The following CNTN4 variants were observed in gnomAD, a reference collection of about 807,000 sequenced individuals.
CNTN4 encodes the protein contactin 4, also known as contactin-4.
CNTN4 carries 77 observed loss-of-function variants against 122.5 expected under a neutral mutation model. The ratio of observed to expected loss-of-function variants is 0.63; its 90% CI spans 0.52 to 0.76. The LOEUF is 0.76. CNTN4 is among the 30% of genes least tolerant of loss of function. The pLI is 0.00. For missense variants in CNTN4, 1,256 were observed against 1,259.1 expected (o/e 1.00, Z 0.04); for synonymous variants, 512 against 447.0 (o/e 1.15, Z -1.83).
At chr3:2,663,086 A>G (rs1352348597) in intron 4 of CNTN4, among the ~76,000 whole-genome samples, 1 of 149,534 alleles carries the variant, frequency 6.7e-6, no homozygotes, top group East Asian at 1.9e-4. Flanking sequence ...TGGGCAACAG[A>G]GTGAGACTCT....
At chr3:2,865,953 T>C (rs2093719314) in intron 7 of CNTN4, among the ~76,000 whole-genome samples, 1 of 152,250 alleles carries the variant, frequency 6.6e-6, no homozygotes, top group Admixed American at 6.5e-5. Flanking sequence ...GTTTTATCAC[T>C]ATCTCATATC....
intron 3 of CNTN4, among the ~76,000 whole-genome samples, chr3:2,567,987 G>A (rs1224797079): frequency 2.0e-5 from 3 of 152,100 alleles, no homozygotes; most frequent in Non-Finnish European, 2.9e-5. Context: ...TAAGTAAACT[G>A]TGAGCTCCTT....
chr3:2,470,156 C>G (rs1300290450), intron 3 of CNTN4, among the ~76,000 whole-genome samples: 1 of 151,804 alleles, frequency 6.6e-6, no homozygotes. Context: ...ACCTCTGCCT[C>G]CCAGGTTCAA....
At chr3:2,828,415 C>T (rs995715362) in intron 7 of CNTN4, among the ~76,000 whole-genome samples, 1 of 152,138 alleles carries the variant, frequency 6.6e-6, no homozygotes, top group Non-Finnish European at 1.5e-5. Flanking sequence ...TGTAATAAGG[C>T]AAAATGTAGG....
intron 8 of CNTN4, among the ~76,000 whole-genome samples, chr3:2,880,303 T>C (rs1326600455): frequency 6.6e-6 from 1 of 152,208 alleles, no homozygotes; most frequent in Non-Finnish European, 1.5e-5. Context: ...TAACACATGA[T>C]ACACTGCAAG....
chr3:2,260,593 T>C (rs1374929021), intron 2 of CNTN4, among the ~76,000 whole-genome samples: 1 of 152,170 alleles, frequency 6.6e-6, no homozygotes, highest in Non-Finnish European at 1.5e-5. Context: ...GAAAGCTCAC[T>C]CATACAGATT....
intron 6 of CNTN4, among the ~76,000 whole-genome samples, chr3:2,792,229 A>T (rs1206958214): frequency 6.6e-6 from 1 of 152,090 alleles, no homozygotes; most frequent in Non-Finnish European, 1.5e-5. Context: ...CATGATCCCT[A>T]TGTTTTCCTG....
At chr3:2,228,023 A>C (rs1386857278) in intron 2 of CNTN4, among the ~76,000 whole-genome samples, 1 of 151,998 alleles carries the variant, frequency 6.6e-6, no homozygotes, top group Non-Finnish European at 1.5e-5. Flanking sequence ...TGAAAACAAA[A>C]TGTTTATTTT....
chr3:2,699,217 T>C (rs1360819737), intron 4 of CNTN4, among the ~76,000 whole-genome samples: 1 of 152,130 alleles, frequency 6.6e-6, no homozygotes, highest in Non-Finnish European at 1.5e-5. Context: ...TAAGACTTGT[T>C]GGGAGGGCTT....
Position 2,445,702 on chromosome 3 carries a change from G to T in CNTN4, c.-89+106469G>T, listed in dbSNP as rs564869849. ...GTAATTCACCTTTGCATTTTTTCAT[G>T]TCTTAGTATTTAACTTCTGTTTCAT... On this transcript the variant is annotated intron_variant, in intron 3 of 24. Transcript: ENST00000418658. 3.9e-5 allele frequency among the ~76,000 whole-genome samples: 6 copies of T among 151,970 alleles called. No homozygotes were observed. In the South Asian group the frequency reaches 1.2e-3, roughly 32 times the overall value.
At chr3:2,104,443 T>C (rs779650051) in intron 2 of CNTN4, among the ~76,000 whole-genome samples, 1 of 152,216 alleles carries the variant, frequency 6.6e-6, no homozygotes, top group African/African-American at 2.4e-5. Flanking sequence ...AGTTCAGTAC[T>C]CATAGAATAG....
chr3:2,817,696 C>T (rs988777828), intron 6 of CNTN4, among the ~76,000 whole-genome samples: 1 of 152,158 alleles, frequency 6.6e-6, no homozygotes, highest in Non-Finnish European at 1.5e-5. Flanking sequence ...TACTACCTAT[C>T]AGCTCTTAAT....
chr3:2,103,800 T>C (rs953316414), intron 2 of CNTN4, among the ~76,000 whole-genome samples: 11 of 152,290 alleles, frequency 7.2e-5, no homozygotes, highest in Admixed American at 2.6e-4. Context: ...AAGAAAATGG[T>C]CCCTCTTGTT....
At chr3:2,191,976 G>A (rs947842651) in intron 2 of CNTN4, among the ~76,000 whole-genome samples, 9 of 151,666 alleles carry the variant, frequency 5.9e-5, no homozygotes, top group South Asian at 4.2e-4. Context: ...GAGAACATGC[G>A]GTGTTTGGTT....
At chr3:2,299,350 A>G (rs1381711095) in intron 2 of CNTN4, among the ~76,000 whole-genome samples, 1 of 152,126 alleles carries the variant, frequency 6.6e-6, no homozygotes, top group Non-Finnish European at 1.5e-5. Context: ...TATTTGGGGT[A>G]CGAGTGTTTT....
At chr3:2,771,032 T>C (rs1397717851) in intron 6 of CNTN4, among the ~76,000 whole-genome samples, 3 of 152,234 alleles carry the variant, frequency 2.0e-5, no homozygotes, top group Non-Finnish European at 4.4e-5. Flanking sequence ...CTGAGTGGTC[T>C]GAAATGGAAA....
chr3:2,810,386 A>G (rs569604156), intron 6 of CNTN4, among the ~76,000 whole-genome samples: 11 of 152,310 alleles, frequency 7.2e-5, no homozygotes, highest in African/African-American at 2.4e-4. Flanking sequence ...AATATTGATT[A>G]TGCTATTTTT....
intron 4 of CNTN4, among the ~76,000 whole-genome samples, chr3:2,607,445 T>C (rs1191748685): frequency 6.6e-6 from 1 of 152,122 alleles, no homozygotes; most frequent in Non-Finnish European, 1.5e-5. Flanking sequence ...TAATGGAATA[T>C]TGCATAATAA....
At chr3:2,253,426 A>G (rs543386078) in intron 2 of CNTN4, among the ~76,000 whole-genome samples, 3 of 123,822 alleles carry the variant, frequency 2.4e-5, no homozygotes, top group African/African-American at 1.1e-4. Context: ...GTTTTAGTGA[A>G]CGAAACAAAA....
Sources: gnomAD v4.1 joint callset for allele counts (sites outside exome capture counted in the v4.1 genomes callset) on GRCh38, gnomAD v4.1.1 for gene constraint, MANE v1.5 for transcripts, NCBI Gene and HGNC (gene_info 2026-07-23, HGNC 2026-07-21) for gene names.